The following MRE11 variants were observed in gnomAD, a reference collection of about 807,000 sequenced individuals.
The protein encoded by MRE11 is double-strand break repair protein MRE11.
Under a neutral mutation model 91.7 loss-of-function variants are expected in MRE11, and 62 were observed. The observed-to-expected ratio is 0.68, with a 90% CI of 0.55 to 0.84. MRE11 has a LOEUF of 0.84. Among genes scored for constraint, MRE11 ranks in the 40% least tolerant of loss-of-function variants. The pLI is 0.00. For synonymous variants in MRE11, 273 were observed against 271.4 expected (o/e 1.01, Z -0.06); for missense variants, 796 against 852.9 (o/e 0.93, Z 0.83).
intron 19 of MRE11, among the ~76,000 whole-genome samples, chr11:94,429,206 T>C (rs929658214): frequency 6.6e-6 from 1 of 152,154 alleles, no homozygotes; most frequent in Non-Finnish European, 1.5e-5. Flanking sequence ...GCTAGTGAGG[T>C]TGTCAGAAAA....
upstream of MRE11, among the ~76,000 whole-genome samples, chr11:94,494,408 G>C (rs988750627): frequency 1.3e-5 from 2 of 152,218 alleles, no homozygotes; most frequent in Non-Finnish European, 2.9e-5. Flanking sequence ...TAGAACTTTT[G>C]AATTAGAACG....
chr11:94,423,214 C>A (rs1322791206), intron 19 of MRE11, among the ~76,000 whole-genome samples: 1 of 152,032 alleles, frequency 6.6e-6, no homozygotes, highest in African/African-American at 2.4e-5. Flanking sequence ...AAGCTGGTAA[C>A]CTTGTGGGGG....
chr11:94,482,781 T>TA (rs1259310214), intron 4 of MRE11, among the ~76,000 whole-genome samples: 1 of 151,724 alleles, frequency 6.6e-6, no homozygotes, highest in Non-Finnish European at 1.5e-5. Flanking sequence ...TAAAAACGCA[T>TA]AAAAAAATTA....
chr11:94,470,602 T>A lies in MRE11; in HGVS notation c.886A>T (p.Met296Leu). ...LLRIKGRKMNMHKIPLHTVRQ... is the reference protein window; with the variant it reads ...LLRIKGRKMNLHKIPLHTVRQ... The stretch of plus-strand genomic sequence containing the variant: ...ACTGTGTGAAGAGGAATTTTATGCA[T>A]ATTCATCTTCCTCCCTTTAATACGC... Residue 296 changes from methionine to leucine, a missense_variant, in exon 9 of 20, where the codon ATG becomes TTG. By Grantham distance (15) the Met-to-Leu change is conservative. Transcript: ENST00000323929. The A allele has an allele frequency of 6.2e-7, 1 of 1,613,218 alleles. No individual in the cohort carries two copies. The highest frequency in any genetic ancestry group is 8.5e-7 in the Non-Finnish European group (1 of 1,179,380).
the MRE11 span, among the ~76,000 whole-genome samples, chr11:94,502,361 C>T: frequency 6.6e-6 from 1 of 152,170 alleles, no homozygotes; most frequent in Non-Finnish European, 1.5e-5. Flanking sequence ...TCCCAGAAAG[C>T]TCATGTTCAA....
upstream of MRE11, chr11:94,498,795 G>C (rs1419565460): frequency 4.8e-6 from 2 of 419,486 alleles, no homozygotes; most frequent in Admixed American, 4.2e-5. Context: ...ACTTGACACG[G>C]GTTGTACAGA....
chr11:94,511,174 G>GCT, the MRE11 span, among the ~76,000 whole-genome samples: 10 of 150,166 alleles, frequency 6.7e-5, no homozygotes, highest in African/African-American at 1.5e-4. Flanking sequence ...ATTGCCTCTC[G>GCT]CTCTCTCTCT....
At position 94,467,796 on chromosome 11, in the gene MRE11, A is replaced by G. The variant is rs1805365; in HGVS notation, c.1098+17T>C. On this transcript the variant is annotated intron_variant, in intron 10 of 19. Coordinates refer to ENST00000323929, the MANE Select transcript of MRE11 (RefSeq NM_005591.4). ...TTTGAAAATTAATAATATTCAATCTATATAAATAGGACTTACTCGCAGTCG... is the reference window on the plus strand; with the variant it reads ...TTTGAAAATTAATAATATTCAATCTGTATAAATAGGACTTACTCGCAGTCG... 29,564 of 1,582,754 alleles carry G rather than the reference A, an allele frequency of 0.019. 1,072 individuals are homozygous for G. The highest frequency in any genetic ancestry group is 0.14 in the African/African-American group (10,640 of 74,248).
Position 94,464,863 on chromosome 11 carries a change from T to C in MRE11, c.1099-624A>G, listed in dbSNP as rs116458321. Among the ~76,000 whole-genome samples the C allele has an allele frequency of 5.8e-3, 879 of 152,296 alleles. 5 individuals are homozygous for C. The highest frequency in any genetic ancestry group is 0.019 in the African/African-American group (797 of 41,556). ...CCTTTCTTTCTCAGAGATATGTTCT[T>C]CTCAACTAGCTGTTCCCAAAGTACG... On this transcript the variant is annotated intron_variant, in intron 10 of 19. Coordinates refer to ENST00000323929, the MANE Select transcript of MRE11 (RefSeq NM_005591.4).
At chr11:94,423,036 T>A (rs1272075331) in intron 19 of MRE11, among the ~76,000 whole-genome samples, 2 of 152,160 alleles carry the variant, frequency 1.3e-5, no homozygotes, top group Non-Finnish European at 2.9e-5. Flanking sequence ...AAAAATAATT[T>A]TTAGTGGAAG....
chr11:94,479,933 T>A (rs535726162), intron 4 of MRE11, among the ~76,000 whole-genome samples, 172 bp from the exon 5 acceptor site: 180 of 152,364 alleles, frequency 1.2e-3, no homozygotes, highest in African/African-American at 1.4e-3. Context: ...TTCATTTCAA[T>A]TAGTTTGAAA....
At chr11:94,488,741 G>A (rs1947207137) in intron 3 of MRE11, among the ~76,000 whole-genome samples, 1 of 152,144 alleles carries the variant, frequency 6.6e-6, no homozygotes. Context: ...GCTAAATGAT[G>A]AGAAGACATG....
rs1296801821 is a variant in MRE11 at position 94,418,149 on chromosome 11, C to T, written c.*1976G>A. 4.3e-6 allele frequency: 1 copy of T among 232,784 alleles called. No individual in the cohort carries two copies. Among genetic ancestry groups the T allele is most frequent in the African/African-American group, 2.2e-5 (1 of 45,276 alleles). 14.4% of individuals were successfully genotyped at this position (232,784 alleles called of 1,614,324 possible). A position where few individuals can be genotyped will look rare whatever the true frequency, so the allele number is the denominator to read the frequency against. ...CTAAAACCAACAGATTTTGCAGGAT[C>T]AATATAAAATATTAAGGATATATAG... On this transcript the variant is annotated 3_prime_UTR_variant, in exon 20 of 20. Coordinates refer to ENST00000323929, the MANE Select transcript of MRE11 (RefSeq NM_005591.4).
intron 11 of MRE11, 63 bp from the exon 12 acceptor site, chr11:94,461,099 T>C: frequency 7.2e-7 from 1 of 1,383,902 alleles, no homozygotes; most frequent in Non-Finnish European, 1.0e-6. Context: ...TGCATACTCA[T>C]TGCAAGTTGT....
At chr11:94,469,137 C>A (rs1019127884) in intron 9 of MRE11, among the ~76,000 whole-genome samples, 2 of 152,136 alleles carry the variant, frequency 1.3e-5, no homozygotes, top group African/African-American at 4.8e-5. Flanking sequence ...ACCTCTATTA[C>A]TTTGTGTCAC....
intron 9 of MRE11, 110 bp downstream of exon 9, chr11:94,470,361 G>A (rs1946672448): frequency 3.6e-6 from 4 of 1,100,250 alleles, no homozygotes; most frequent in South Asian, 2.8e-5. Flanking sequence ...CAGGCTTCAT[G>A]AGAATGTAAT....
At chr11:94,441,812 A>G (rs1431293982) in intron 16 of MRE11, among the ~76,000 whole-genome samples, 1 of 151,962 alleles carries the variant, frequency 6.6e-6, no homozygotes, top group Non-Finnish European at 1.5e-5. Context: ...CCGTGTCTCT[A>G]CTAAAAATAC....
At chr11:94,432,687 T>A (rs1490840428) in intron 18 of MRE11, among the ~76,000 whole-genome samples, 9 of 152,122 alleles carry the variant, frequency 5.9e-5, no homozygotes, top group Admixed American at 5.9e-4. Context: ...GGGCCTGTAG[T>A]CCCAGCTATT....
intron 15 of MRE11, among the ~76,000 whole-genome samples, chr11:94,446,880 T>C (rs1162167766): frequency 6.6e-6 from 1 of 152,226 alleles, no homozygotes; most frequent in Admixed American, 6.5e-5. Flanking sequence ...GCTATTTTCT[T>C]TAACAACTCA....
Sources: gnomAD v4.1 joint callset for allele counts (sites outside exome capture counted in the v4.1 genomes callset) on GRCh38, gnomAD v4.1.1 for gene constraint, MANE v1.5 for transcripts, NCBI Gene and HGNC (gene_info 2026-07-23, HGNC 2026-07-21) for gene names.